BCL2: variants seen among roughly 807,000 people sequenced by gnomAD.
The protein encoded by BCL2 is apoptosis regulator Bcl-2.
Under a neutral mutation model 14.2 loss-of-function variants are expected in BCL2, and 1 was observed. That is an observed-to-expected ratio of 0.07 (90% CI 0.02 to 0.33). The LOEUF is 0.33. Among genes scored for constraint, BCL2 ranks in the 10% least tolerant of loss-of-function variants. The probability of loss-of-function intolerance (pLI) is 0.99; values close to 1 mark genes in which losing one functional copy is unlikely to be tolerated. For missense variants in BCL2, 247 were observed against 305.9 expected, an observed-to-expected ratio of 0.81 and a Z score of 1.44; for synonymous variants, 151 against 137.2, an observed-to-expected ratio of 1.10 and a Z score of -0.70.
chr18:63,249,304 T>C (rs1021226600), intron 2 of BCL2, among the ~76,000 whole-genome samples: 1 of 151,504 alleles, frequency 6.6e-6, no homozygotes, highest in African/African-American at 2.4e-5. Flanking sequence ...TGATCAGTCC[T>C]GTCCATTTAA....
chr18:63,269,605 T>C (rs1425043713), intron 2 of BCL2, among the ~76,000 whole-genome samples: 4 of 152,214 alleles, frequency 2.6e-5, no homozygotes, highest in Non-Finnish European at 5.9e-5. Context: ...TGTCAGTCAC[T>C]TGGTGAGTTC....
At chr18:63,135,726 A>G (rs868275443) in intron 2 of BCL2, among the ~76,000 whole-genome samples, 37 of 152,208 alleles carry the variant, frequency 2.4e-4, no homozygotes, top group Middle Eastern at 6.8e-3. Context: ...TACAATTTCA[A>G]TCGCATCCTT....
intron 2 of BCL2, among the ~76,000 whole-genome samples, chr18:63,244,307 G>A (rs1048850403): frequency 2.6e-5 from 4 of 152,158 alleles, no homozygotes; most frequent in Admixed American, 6.5e-5. Context: ...GAACCTGGGA[G>A]GCGGAGGTTG....
chr18:63,290,508 G>T (rs565038825), intron 2 of BCL2, among the ~76,000 whole-genome samples: 1 of 152,294 alleles, frequency 6.6e-6, no homozygotes, highest in South Asian at 2.1e-4. Flanking sequence ...CAGCAAAAGA[G>T]AATTCATTCC....
intron 2 of BCL2, among the ~76,000 whole-genome samples, chr18:63,280,007 C>T (rs1912263446): frequency 6.6e-6 from 1 of 152,104 alleles, no homozygotes; most frequent in South Asian, 2.1e-4. Context: ...GCTGGCAATG[C>T]CCTGTTTCTT....
chr18:63,154,758 C>T (rs552757669), intron 2 of BCL2, among the ~76,000 whole-genome samples: 5 of 152,304 alleles, frequency 3.3e-5, no homozygotes, highest in Admixed American at 1.3e-4. Flanking sequence ...CTGTCTCTCT[C>T]CTCCTTGGGG....
intron 2 of BCL2, among the ~76,000 whole-genome samples, chr18:63,253,950 G>A (rs1911392718): frequency 6.7e-6 from 1 of 148,950 alleles, no homozygotes. Flanking sequence ...CTCTCTTATC[G>A]AGGAGGATTC....
intron 2 of BCL2, among the ~76,000 whole-genome samples, chr18:63,289,781 C>G (rs1912594253): frequency 6.6e-6 from 1 of 152,102 alleles, no homozygotes. Context: ...GTAATCCTAG[C>G]TACTTGAAAG....
chr18:63,315,137 A>C (rs1324096352), intron 2 of BCL2: 1 of 152,134 alleles, frequency 6.6e-6, no homozygotes, highest in Non-Finnish European at 1.5e-5. Flanking sequence ...ACATATTCTG[A>C]CTCAGTAGCT....
chr18:63,163,636 T>A (rs1305008619), intron 2 of BCL2, among the ~76,000 whole-genome samples: 2 of 152,226 alleles, frequency 1.3e-5, no homozygotes, highest in Non-Finnish European at 2.9e-5. Context: ...AGGAATAATG[T>A]ATTGGATATT....
chr18:63,141,791 T>A (rs1914370221), intron 2 of BCL2, among the ~76,000 whole-genome samples: 1 of 152,218 alleles, frequency 6.6e-6, no homozygotes, highest in South Asian at 2.1e-4. Context: ...TAGAACATAA[T>A]CACTGTGTGC....
chr18:63,127,090 CT>C lies in BCL2; in HGVS notation c.*1534del, dbSNP rs202112192. 2.8e-4 allele frequency: 64 copies of C among 225,004 alleles called. No individual in the cohort carries two copies. The highest frequency in any genetic ancestry group is 5.1e-4 in the East Asian group (8 of 15,686). The allele number at this position is 225,004 out of a possible 1,614,324, so 13.9% of individuals were successfully genotyped here. ...TAACCCCCATATTCCACACCTGGAA[CT>C]TTTTTTTTGTCAGGTTTTCAAATAA... On this transcript the variant is annotated 3_prime_UTR_variant, in exon 3 of 3. Transcript: ENST00000333681.
At chr18:63,268,184 A>G (rs1911890690) in intron 2 of BCL2, among the ~76,000 whole-genome samples, 1 of 152,174 alleles carries the variant, frequency 6.6e-6, no homozygotes, top group African/African-American at 2.4e-5. Context: ...CCAATGAAAA[A>G]GAGAGGGAGG....
intron 2 of BCL2, among the ~76,000 whole-genome samples, chr18:63,170,705 G>C (rs1372021862): frequency 6.6e-6 from 1 of 152,088 alleles, no homozygotes; most frequent in African/African-American, 2.4e-5. Context: ...TCAAATCATG[G>C]GGCCATCTGC....
intron 2 of BCL2, among the ~76,000 whole-genome samples, chr18:63,267,687 C>T (rs894011331): frequency 1.3e-5 from 2 of 152,102 alleles, no homozygotes; most frequent in African/African-American, 4.8e-5. Context: ...AATATATATC[C>T]TTGAGAGGTA....
chr18:63,302,730 A>G, intron 2 of BCL2: 1 of 985,440 alleles, frequency 1.0e-6, no homozygotes, highest in Non-Finnish European at 1.2e-6. Context: ...GAGGTTTAGT[A>G]AGGATGCAGT....
At chr18:63,316,097 G>C (rs1000802777) in intron 2 of BCL2, 1 of 152,596 alleles carries the variant, frequency 6.6e-6, no homozygotes. Context: ...TGACCACAAA[G>C]ATAGGTCTAC....
At chr18:63,267,420 C>A (rs577552714) in intron 2 of BCL2, among the ~76,000 whole-genome samples, 4 of 152,210 alleles carry the variant, frequency 2.6e-5, no homozygotes. Flanking sequence ...AAAGGAGGTG[C>A]AGTCAGCTGG....
rs1210815315 is a variant in BCL2, at chr18:63,226,628, T to C, written c.585+91454A>G. 2.0e-5 allele frequency among the ~76,000 whole-genome samples: 3 copies of C among 152,198 alleles called. No individual in the cohort carries two copies. In the East Asian group the frequency reaches 5.8e-4, roughly 29 times the overall value. Reference sequence around the variant, plus strand: ...AAACAAGTTGTGAAAAAATACATGCTGTATGATTGGATTTTTTTTGCAAAC... The same window carrying C: ...AAACAAGTTGTGAAAAAATACATGCCGTATGATTGGATTTTTTTTGCAAAC... On this transcript the variant is annotated intron_variant, in intron 2 of 2. Transcript: ENST00000333681.
Sources: gnomAD v4.1 joint callset for allele counts (sites outside exome capture counted in the v4.1 genomes callset) on GRCh38, gnomAD v4.1.1 for gene constraint, MANE v1.5 for transcripts, NCBI Gene and HGNC (gene_info 2026-07-23, HGNC 2026-07-21) for gene names.